Variants in KDM2B observed in about 807,000 individuals in gnomAD.
KDM2B encodes lysine demethylase 2B.
In KDM2B, 26 loss-of-function variants were observed where a neutral mutation model predicts 150.0. The ratio of observed to expected loss-of-function variants is 0.17; its 90% CI spans 0.13 to 0.24. The LOEUF (loss-of-function observed/expected upper bound fraction) is 0.24. KDM2B is among the 10% of genes least tolerant of loss of function. The pLI is 1.00. For synonymous variants in KDM2B, 734 were observed against 729.5 expected, an observed-to-expected ratio of 1.01 and a Z score of -0.10; for missense variants, 1,265 against 1,816.9, an observed-to-expected ratio of 0.70 and a Z score of 5.52.
chr12:121,484,889 C>T (rs1882592674), intron 12 of KDM2B, among the ~76,000 whole-genome samples: 1 of 152,072 alleles, frequency 6.6e-6, no homozygotes, highest in Non-Finnish European at 1.5e-5. Context: ...CGATTGATAA[C>T]AAGGGTTGGG....
At chr12:121,543,879 T>C (rs782479734) in intron 6 of KDM2B, among the ~76,000 whole-genome samples, 1 of 151,804 alleles carries the variant, frequency 6.6e-6, no homozygotes, top group Non-Finnish European at 1.5e-5. Flanking sequence ...CCCAGCACTT[T>C]GGGAGGCCAA....
Position 121,549,000 on chromosome 12 carries a change from T to A in KDM2B, c.577-17A>T, listed in dbSNP as rs151278601. On this transcript the variant is annotated splice_polypyrimidine_tract_variant and intron_variant, in intron 5 of 22. Coordinates refer to ENST00000377071, the MANE Select transcript of KDM2B (RefSeq NM_032590.5). ...CAGGTCTACCTGAAAGCCAGACCAG[T>A]GTGAGCACTGCATTTCTCCACTGCC... 3,008 of 1,588,894 alleles carry A rather than the reference T, an allele frequency of 1.9e-3. 13 individuals carry two copies. Among genetic ancestry groups the A allele is most frequent in the Middle Eastern group, 4.8e-3 (29 of 6,026 alleles).
chr12:121,547,821 T>C (rs1008408553), intron 6 of KDM2B, among the ~76,000 whole-genome samples: 32 of 151,930 alleles, frequency 2.1e-4, no homozygotes, highest in African/African-American at 7.7e-4. Flanking sequence ...TTTTGTATTT[T>C]TCGTAGAGAC....
chr12:121,536,645 C>G (rs982344157), intron 6 of KDM2B, among the ~76,000 whole-genome samples: 4 of 152,030 alleles, frequency 2.6e-5, no homozygotes, highest in African/African-American at 4.8e-5. Flanking sequence ...TCCCTAAAAC[C>G]ATCTCTTCGT....
chr12:121,491,898 C>T (rs1013997039), intron 12 of KDM2B, among the ~76,000 whole-genome samples: 1 of 152,074 alleles, frequency 6.6e-6, no homozygotes, highest in East Asian at 1.9e-4. Context: ...CACTGTGGCT[C>T]ACGCCTGTAA....
chr12:121,503,609 G>A (rs993087018), intron 11 of KDM2B, among the ~76,000 whole-genome samples: 1 of 152,082 alleles, frequency 6.6e-6, no homozygotes, highest in African/African-American at 2.4e-5. Context: ...ACTGTGCACA[G>A]CCTAAACAGC....
chr12:121,525,948 C>A (rs1887090977), intron 8 of KDM2B, among the ~76,000 whole-genome samples: 2 of 152,158 alleles, frequency 1.3e-5, no homozygotes, highest in South Asian at 4.1e-4. Flanking sequence ...GCCTCTGCCA[C>A]CCTGGATGCC....
At chr12:121,419,543 A>G in the KDM2B span, among the ~76,000 whole-genome samples, 5 of 149,468 alleles carry the variant, frequency 3.3e-5, no homozygotes, top group African/African-American at 1.0e-4. Flanking sequence ...GGTGATGTGG[A>G]TTGTTGGATG....
rs1880114475 is a variant in KDM2B, at chr12:121,467,121, G to A, written c.1735-13777C>T. The A allele has an allele frequency of 1.8e-6, 2 of 1,103,840 alleles. No individual in the cohort carries two copies. Among genetic ancestry groups the A allele is most frequent in the Non-Finnish European group, 1.1e-6 (1 of 884,436 alleles). The allele number at this position is 1,103,840 out of a possible 1,614,324, so 68.4% of individuals were successfully genotyped here. A position where few individuals can be genotyped will look rare whatever the true frequency, so the allele number is the denominator to read the frequency against. ...AGACAGGCGGTCGGGAGGTCGTGCG[G>A]CGGGTCCCTCCCTCAGCCCCACCCC... is the stretch of plus-strand genomic sequence containing the variant. On this transcript the variant is annotated intron_variant, in intron 12 of 22. Coordinates refer to ENST00000377071, the MANE Select transcript of KDM2B (RefSeq NM_032590.5). The surrounding 1 kb of genome is among the most constrained non-coding windows in gnomAD (Gnocchi z 5.1).
intron 22 of KDM2B, among the ~76,000 whole-genome samples, chr12:121,432,389 T>C (rs1339317507): frequency 6.6e-6 from 1 of 152,238 alleles, no homozygotes; most frequent in East Asian, 1.9e-4. Context: ...ATAGGGATTT[T>C]ACTAATATGT....
At chr12:121,573,637 C>T (rs1891283627) in intron 4 of KDM2B, among the ~76,000 whole-genome samples, 1 of 148,500 alleles carries the variant, frequency 6.7e-6, no homozygotes, top group Non-Finnish European at 1.5e-5. Flanking sequence ...CAGGCTGGAG[C>T]GCAGTGGCGC....
chr12:121,472,384 G>A (rs1407737117), intron 12 of KDM2B, among the ~76,000 whole-genome samples: 6 of 152,102 alleles, frequency 3.9e-5, no homozygotes, highest in African/African-American at 4.8e-5. Context: ...ACTGTAATTC[G>A]AACAGTGACA....
rs1310363876 is a variant in KDM2B at position 121,452,554 on chromosome 12, T to C, written c.1959+566A>G. 3.9e-5 allele frequency among the ~76,000 whole-genome samples: 6 copies of C among 152,204 alleles called. No individual in the cohort carries two copies. The highest frequency in any genetic ancestry group is 1.4e-4 in the African/African-American group (6 of 41,454). On this transcript the variant is annotated intron_variant, in intron 13 of 22. Coordinates refer to ENST00000377071, the MANE Select transcript of KDM2B (RefSeq NM_032590.5). The surrounding 1 kb of genome is among the most constrained non-coding windows in gnomAD (Gnocchi z 4.4). Reference sequence around the variant, plus strand: ...CTGAGGAAGGCAGAGCATGTGGGTGTGTACAAGGGAATTCAAGGGCAAACC... The same window carrying C: ...CTGAGGAAGGCAGAGCATGTGGGTGCGTACAAGGGAATTCAAGGGCAAACC...
chr12:121,511,154 G>A (rs1033280604), intron 10 of KDM2B, among the ~76,000 whole-genome samples: 6 of 151,568 alleles, frequency 4.0e-5, no homozygotes, highest in Non-Finnish European at 7.4e-5. Flanking sequence ...GAGATTACAG[G>A]TGAACCACCA....
intron 11 of KDM2B, among the ~76,000 whole-genome samples, chr12:121,505,701 G>A (rs782268908): frequency 5.3e-5 from 8 of 152,234 alleles, no homozygotes; most frequent in Non-Finnish European, 1.0e-4. Context: ...CTGAGGTCCC[G>A]GGAGAGAGCC....
At chr12:121,579,009 C>T in intron 1 of KDM2B, 63 bp from the exon 2 acceptor site, 1 of 1,556,486 alleles carries the variant, frequency 6.4e-7, no homozygotes. Flanking sequence ...CGCCTCTCAA[C>T]CTGGGCCCAG....
At chr12:121,420,340 G>A in the KDM2B span, 3 of 1,558,116 alleles carry the variant, frequency 1.9e-6, no homozygotes, top group African/African-American at 2.7e-5. Flanking sequence ...ATCGGGTGAG[G>A]CCACCTATAA....
chr12:121,532,998 C>T (rs1555308101), intron 7 of KDM2B, 39 bp from the exon 8 acceptor site: 1 of 1,611,220 alleles, frequency 6.2e-7, no homozygotes, highest in Admixed American at 1.7e-5. Flanking sequence ...GAGACCCAGG[C>T]CCAGACAAGA....
intron 12 of KDM2B, among the ~76,000 whole-genome samples, chr12:121,457,735 A>AACACAC (rs1215362738): frequency 2.3e-4 from 26 of 113,026 alleles, no homozygotes; most frequent in Non-Finnish European, 3.5e-4. Context: ...GAAGATCGGA[A>AACACAC]ACATACACAC....
Sources: gnomAD v4.1 joint callset for allele counts (sites outside exome capture counted in the v4.1 genomes callset) on GRCh38, gnomAD v4.1.1 for gene constraint, Gnocchi (gnomAD v3.1) non-coding constraint, MANE v1.5 for transcripts, NCBI Gene and HGNC (gene_info 2026-07-23, HGNC 2026-07-21) for gene names.